TAF1B: variants seen among roughly 807,000 people sequenced by gnomAD.
The protein encoded by TAF1B is TATA-box binding protein associated factor, RNA polymerase I subunit B, also known as TATA box-binding protein-associated factor RNA polymerase I subunit B.
Under a neutral mutation model 83.9 loss-of-function variants are expected in TAF1B, and 61 were observed. The ratio of observed to expected loss-of-function variants is 0.73; its 90% CI spans 0.59 to 0.90. TAF1B has a LOEUF of 0.90. Among genes scored for constraint, TAF1B ranks in the 40% least tolerant of loss-of-function variants. The pLI is 0.00. For synonymous variants in TAF1B, 221 were observed against 224.6 expected (o/e 0.98, Z 0.14); for missense variants, 625 against 677.0 (o/e 0.92, Z 0.85).
chr2:9,919,019 G>C, intron 12 of TAF1B, 22 bp from the exon 13 acceptor site: 1 of 1,602,982 alleles, frequency 6.2e-7, no homozygotes, highest in Non-Finnish European at 8.5e-7. Flanking sequence ...TCCTGCTCCA[G>C]CTGTTTCTTT....
chr2:9,916,940 G>A lies in TAF1B; in HGVS notation c.1272-2101G>A, dbSNP rs185377090. Among the ~76,000 whole-genome samples, 157 of 145,912 alleles carry A rather than the reference G, an allele frequency of 1.1e-3. 1 individual carries two copies. Among genetic ancestry groups the A allele is most frequent in the Middle Eastern group, 4.2e-3 (1 of 240 alleles). On this transcript the variant is annotated intron_variant, in intron 12 of 14. Transcript: ENST00000263663. ...CGGCCCACCGCAACTTCCGCCTCCC[G>A]GGTTCAAGCAGTTCTTCTGCCTCAG... is the stretch of plus-strand genomic sequence containing the variant.
chr2:9,924,938 C>A (rs913170409), intron 14 of TAF1B, among the ~76,000 whole-genome samples: 82 of 152,218 alleles, frequency 5.4e-4, no homozygotes, highest in South Asian at 1.7e-3. Context: ...CCTTACTATT[C>A]CTCCAATTGT....
At chr2:9,874,467 T>C (rs1243829023) in intron 6 of TAF1B, among the ~76,000 whole-genome samples, 1 of 151,978 alleles carries the variant, frequency 6.6e-6, no homozygotes, top group African/African-American at 2.4e-5. Context: ...AGAGAAAGTC[T>C]CTCCGTGTTG....
At chr2:9,872,459 G>A (rs960941778) in intron 6 of TAF1B, among the ~76,000 whole-genome samples, 5 of 152,056 alleles carry the variant, frequency 3.3e-5, no homozygotes, top group Admixed American at 6.6e-5. Flanking sequence ...GCCTTCTTTA[G>A]GGATCCCCAG....
Position 9,875,874 on chromosome 2 carries a change from T to TC in TAF1B, c.564dup (p.Cys189LeufsTer9). The TC allele has an allele frequency of 6.3e-7, 1 of 1,590,782 alleles. No individual in the cohort carries two copies. The highest frequency in any genetic ancestry group is 8.6e-7 in the Non-Finnish European group (1 of 1,162,842). ...CCATTTATCTCCTAAGAAACGTCTG[T>TC]CTGCTCTGGATCTCTGGATGGAGTT... On this transcript the variant is annotated frameshift_variant, in exon 7 of 15. Transcript: ENST00000263663. LOFTEE classifies it high-confidence loss of function.
chr2:9,919,505 C>T (rs1471585432), intron 13 of TAF1B, 93 bp from the exon 14 acceptor site: 5 of 1,124,964 alleles, frequency 4.4e-6, no homozygotes, highest in Non-Finnish European at 6.6e-6. Context: ...ACTAAGGAAC[C>T]AATATTGGTA....
chr2:9,850,929 T>A (rs1304177030), intron 3 of TAF1B, among the ~76,000 whole-genome samples: 1 of 152,196 alleles, frequency 6.6e-6, no homozygotes, highest in Non-Finnish European at 1.5e-5. Context: ...TTTCTCCCTA[T>A]AACCTAGAAC....
At chr2:9,903,371 C>A (rs1355598368) in intron 8 of TAF1B, among the ~76,000 whole-genome samples, 1 of 152,070 alleles carries the variant, frequency 6.6e-6, no homozygotes, top group Non-Finnish European at 1.5e-5. Flanking sequence ...AGGTGTGGGC[C>A]ACCGTACCCT....
intron 12 of TAF1B, among the ~76,000 whole-genome samples, chr2:9,916,708 C>CT (rs1665689390): frequency 6.6e-6 from 1 of 152,076 alleles, no homozygotes; most frequent in African/African-American, 2.4e-5. Flanking sequence ...GACAAACTCT[C>CT]TGATATATTT....
chr2:9,844,147 C>T (rs904692991), intron 1 of TAF1B, among the ~76,000 whole-genome samples: 5 of 152,052 alleles, frequency 3.3e-5, no homozygotes, highest in Non-Finnish European at 7.4e-5. Flanking sequence ...CGTAAAATGG[C>T]ACATTTTTGT....
At chr2:9,868,224 A>T in intron 5 of TAF1B, 52 bp from the exon 6 acceptor site, 1 of 1,586,982 alleles carries the variant, frequency 6.3e-7, no homozygotes, top group African/African-American at 1.4e-5. Context: ...CACAGAAATT[A>T]ACTGTTTAAA....
At chr2:9,879,687 G>A (rs1472963434) in intron 7 of TAF1B, among the ~76,000 whole-genome samples, 3 of 152,124 alleles carry the variant, frequency 2.0e-5, no homozygotes, top group African/African-American at 7.2e-5. Flanking sequence ...ATTCTAGGGC[G>A]GAGTAGGAGG....
chr2:9,929,484 T>C (rs544206442), intron 14 of TAF1B, among the ~76,000 whole-genome samples: 1 of 152,198 alleles, frequency 6.6e-6, no homozygotes, highest in African/African-American at 2.4e-5. Context: ...TGATGGATTA[T>C]GTTATTGATT....
chr2:9,920,319 G>C (rs1272353871), intron 14 of TAF1B, among the ~76,000 whole-genome samples: 1 of 152,060 alleles, frequency 6.6e-6, no homozygotes, highest in East Asian at 1.9e-4. Context: ...TTTATAGCAG[G>C]ATCAAGTTCA....
At chr2:9,923,214 G>A (rs1375456361) in intron 14 of TAF1B, among the ~76,000 whole-genome samples, 2 of 149,002 alleles carry the variant, frequency 1.3e-5, no homozygotes, top group African/African-American at 5.0e-5. Context: ...CTCCAGCCTG[G>A]GCGACAGAGC....
At chr2:9,923,371 TACA>T (rs1431201930) in intron 14 of TAF1B, among the ~76,000 whole-genome samples, 3 of 151,972 alleles carry the variant, frequency 2.0e-5, no homozygotes, top group Non-Finnish European at 4.4e-5. Context: ...GAGCTGCATC[TACA>T]ACGATTAAAG....
chr2:9,875,848 T>A lies in TAF1B; in HGVS notation c.554-17T>A. 6.5e-7 allele frequency: 1 copy of A among 1,546,796 alleles called. No individual in the cohort carries two copies. Among genetic ancestry groups the A allele is most frequent in the South Asian group, 1.2e-5 (1 of 82,230 alleles). On this transcript the variant is annotated splice_polypyrimidine_tract_variant and intron_variant, in intron 6 of 14. Transcript: ENST00000263663. ...ATAGTTCACTGGATTTTTAAAAATC[T>A]CCATTTATCTCCTAAGAAACGTCTG...
chr2:9,907,701 T>C (rs1057224184), intron 9 of TAF1B, among the ~76,000 whole-genome samples: 1 of 152,164 alleles, frequency 6.6e-6, no homozygotes, highest in Non-Finnish European at 1.5e-5. Context: ...CATGATCATT[T>C]ATGTAATTTC....
rs377190633 is a variant in TAF1B at position 9,868,367 on chromosome 2, C to G, written c.491C>G (p.Ala164Gly). The G allele has an allele frequency of 6.2e-7, 1 of 1,614,098 alleles. No individual in the cohort carries two copies. The highest frequency in any genetic ancestry group is 8.5e-7 in the Non-Finnish European group (1 of 1,180,004). Residue 164 changes from alanine to glycine, a missense_variant, in exon 6 of 15, where the codon GCG becomes GGG. Coordinates refer to ENST00000263663, the MANE Select transcript of TAF1B (RefSeq NM_005680.3). ...TGTCCTCCTTTTCTTGAAAGTGGAGCGGAGTCTCAGTCTGACATCCACACT... is the reference window on the plus strand; with the variant it reads ...TGTCCTCCTTTTCTTGAAAGTGGAGGGGAGTCTCAGTCTGACATCCACACT... ...VSCPPFLESG[A>G]ESQSDIHTRK...
Sources: allele counts gnomAD v4.1 joint callset (sites outside exome capture counted in the v4.1 genomes callset), GRCh38; gene constraint gnomAD v4.1.1; transcripts MANE v1.5; gene names NCBI Gene and HGNC (gene_info 2026-07-23, HGNC 2026-07-21).